The following NRG3 variants were observed in gnomAD, a reference collection of about 807,000 sequenced individuals.
The protein encoded by NRG3 is pro-neuregulin-3, membrane-bound isoform.
In NRG3, 31 loss-of-function variants were observed where a neutral mutation model predicts 66.9. The ratio of observed to expected loss-of-function variants is 0.46; its 90% CI spans 0.35 to 0.63. The LOEUF is 0.63. Ranked by LOEUF, NRG3 falls within the 20% of genes least tolerant of loss-of-function variation. The pLI, the probability that NRG3 is intolerant of heterozygous loss-of-function variation, is 0.00. For missense variants in NRG3, 910 were observed against 878.9 expected (o/e 1.04, Z -0.45); for synonymous variants, 393 against 359.4 (o/e 1.09, Z -1.06).
intron 1 of NRG3, among the ~76,000 whole-genome samples, chr10:81,939,685 C>G (rs370516586): frequency 7.3e-6 from 1 of 137,428 alleles, no homozygotes; most frequent in South Asian, 2.3e-4. Context: ...AAGGGTGTGT[C>G]ACTTTTGTTG....
At chr10:81,911,062 A>AT (rs1845096573) in intron 1 of NRG3, among the ~76,000 whole-genome samples, 1 of 152,034 alleles carries the variant, frequency 6.6e-6, no homozygotes, top group South Asian at 2.1e-4. Flanking sequence ...GTGCCAGCAG[A>AT]TTTTTTTGTC....
chr10:82,348,768 T>C (rs901810170), intron 1 of NRG3, among the ~76,000 whole-genome samples: 3 of 151,672 alleles, frequency 2.0e-5, no homozygotes, highest in African/African-American at 7.3e-5. Context: ...TGCTCATTTC[T>C]TTTTATTCTT....
chr10:82,931,962 T>G (rs1847619309), intron 4 of NRG3, among the ~76,000 whole-genome samples: 1 of 152,214 alleles, frequency 6.6e-6, no homozygotes, highest in African/African-American at 2.4e-5. Context: ...GAAATGAAGA[T>G]AAAATTCTTC....
At chr10:81,928,507 T>G (rs866552458) in intron 1 of NRG3, among the ~76,000 whole-genome samples, 1 of 152,194 alleles carries the variant, frequency 6.6e-6, no homozygotes, top group African/African-American at 2.4e-5. Flanking sequence ...TCATAAAGAA[T>G]TGAGTGCTTT....
intron 3 of NRG3, among the ~76,000 whole-genome samples, chr10:82,854,619 C>T (rs189488071): frequency 3.9e-5 from 6 of 152,192 alleles, no homozygotes; most frequent in African/African-American, 1.2e-4. Context: ...GATGGACAAG[C>T]CCGACTTCCG....
chr10:82,036,767 A>G (rs1186568585), intron 1 of NRG3, among the ~76,000 whole-genome samples: 1 of 152,082 alleles, frequency 6.6e-6, no homozygotes, highest in Non-Finnish European at 1.5e-5. Context: ...AGGTCTTTAC[A>G]TCTATAACTA....
At chr10:82,004,187 T>C (rs1054892053) in intron 1 of NRG3, among the ~76,000 whole-genome samples, 18 of 152,136 alleles carry the variant, frequency 1.2e-4, no homozygotes, top group Non-Finnish European at 2.2e-4. Context: ...AGAATTTTAT[T>C]TTTGTGGACT....
intron 1 of NRG3, among the ~76,000 whole-genome samples, chr10:81,970,878 G>A (rs2059908734): frequency 6.6e-6 from 1 of 152,206 alleles, no homozygotes; most frequent in South Asian, 2.1e-4. Flanking sequence ...GGTGACTCAT[G>A]CCTGTAATCC....
At chr10:82,286,706 G>A (rs113637596) in intron 1 of NRG3, among the ~76,000 whole-genome samples, 1 of 152,088 alleles carries the variant, frequency 6.6e-6, no homozygotes, top group African/African-American at 2.4e-5. Context: ...TTCTGCCTCA[G>A]CCTCCCAAGT....
At position 82,153,354 on chromosome 10, in the gene NRG3, T is replaced by C. The variant is rs12220576; in HGVS notation, c.824-205385T>C. 2.0e-4 allele frequency among the ~76,000 whole-genome samples: 30 copies of C among 152,062 alleles called. No individual in the cohort carries two copies. In the East Asian group the frequency reaches 5.4e-3, roughly 27 times the overall value. ...CTTAACATAATGTCTTTCAGTTTCA[T>C]CCATGTTGTCACAAATGACAGAATT... On this transcript the variant is annotated intron_variant, in intron 1 of 8. Transcript: ENST00000372141.
At chr10:82,887,951 A>C (rs997767764) in intron 4 of NRG3, among the ~76,000 whole-genome samples, 5 of 152,368 alleles carry the variant, frequency 3.3e-5, no homozygotes, top group Admixed American at 2.6e-4. Context: ...GGCAATTTGT[A>C]TTATTGAGTT....
intron 1 of NRG3, among the ~76,000 whole-genome samples, chr10:82,104,718 A>T (rs1424834121): frequency 6.6e-6 from 1 of 151,798 alleles, no homozygotes; most frequent in Non-Finnish European, 1.5e-5. Flanking sequence ...GTGTTATACG[A>T]TTGCAATTTA....
rs912924840 is a variant in NRG3 at position 82,553,032 on chromosome 10, CA to C, written c.954-185542del. ...CCAAGTAGAGAAAAGTGATCACACA[CA>C]AACACACACACACACACACACACAC... On this transcript the variant is annotated intron_variant, in intron 2 of 8. Coordinates refer to ENST00000372141, the MANE Select transcript of NRG3 (RefSeq NM_001010848.4). Among the ~76,000 whole-genome samples the C allele has an allele frequency of 1.3e-3, 196 of 149,590 alleles. 1 individual carries two copies. The highest frequency in any genetic ancestry group is 4.8e-3 in the African/African-American group (193 of 40,074).
chr10:81,897,432 G>C (rs936161417), intron 1 of NRG3, among the ~76,000 whole-genome samples: 4 of 152,150 alleles, frequency 2.6e-5, no homozygotes, highest in Admixed American at 2.6e-4. Context: ...TTAGACTAGA[G>C]AGTGGAGACA....
At chr10:81,959,333 C>T (rs1850134326) in intron 1 of NRG3, among the ~76,000 whole-genome samples, 1 of 152,134 alleles carries the variant, frequency 6.6e-6, no homozygotes, top group African/African-American at 2.4e-5. Context: ...TACATATCCT[C>T]ATGGTTTGAA....
chr10:81,953,418 G>C (rs1284208589), intron 1 of NRG3, among the ~76,000 whole-genome samples: 1 of 152,120 alleles, frequency 6.6e-6, no homozygotes, highest in East Asian at 1.9e-4. Flanking sequence ...GCAGGGCTCT[G>C]TCTTTCCTGT....
At chr10:82,558,746 T>A (rs2044821007) in intron 2 of NRG3, among the ~76,000 whole-genome samples, 2 of 152,298 alleles carry the variant, frequency 1.3e-5, no homozygotes, top group South Asian at 4.1e-4. Flanking sequence ...AGTTTTACAT[T>A]CTTTTAACCT....
chr10:82,311,665 C>A (rs2081035653), intron 1 of NRG3, among the ~76,000 whole-genome samples: 1 of 152,164 alleles, frequency 6.6e-6, no homozygotes, highest in Admixed American at 6.5e-5. Flanking sequence ...TTACCAAGCA[C>A]TTTCCAGGAG....
chr10:82,277,062 G>A (rs2078888123), intron 1 of NRG3, among the ~76,000 whole-genome samples: 1 of 151,926 alleles, frequency 6.6e-6, no homozygotes, highest in African/African-American at 2.4e-5. Context: ...TTAAACTTCA[G>A]ATGCTCCATA....
Sources: gnomAD v4.1 joint callset for allele counts (sites outside exome capture counted in the v4.1 genomes callset) on GRCh38, gnomAD v4.1.1 for gene constraint, MANE v1.5 for transcripts, NCBI Gene and HGNC (gene_info 2026-07-23, HGNC 2026-07-21) for gene names.